Variants in PDLIM5 observed in about 807,000 individuals in gnomAD.
PDLIM5 encodes PDZ and LIM domain 5.
Under a neutral mutation model 64.2 loss-of-function variants are expected in PDLIM5, and 34 were observed. That is an observed-to-expected ratio of 0.53 (90% CI 0.40 to 0.71). The LOEUF (loss-of-function observed/expected upper bound fraction) is 0.71. PDLIM5 is among the 30% of genes least tolerant of loss of function. The probability of loss-of-function intolerance (pLI) is 0.00; values close to 1 mark genes in which losing one functional copy is unlikely to be tolerated. For missense variants in PDLIM5, 683 were observed against 733.6 expected (o/e 0.93, Z 0.80); for synonymous variants, 253 against 269.1 (o/e 0.94, Z 0.59).
chr4:94,666,686 T>C lies in PDLIM5; in HGVS notation c.*2619T>C, dbSNP rs1225965684. 2 of 152,310 alleles carry C rather than the reference T, an allele frequency of 1.3e-5. No individual in the cohort carries two copies. Among genetic ancestry groups the C allele is most frequent in the African/African-American group, 2.4e-5 (1 of 41,466 alleles). The allele number at this position is 152,310 out of a possible 1,614,324, so 9.4% of individuals were successfully genotyped here. On this transcript the variant is annotated 3_prime_UTR_variant, in exon 13 of 13. Transcript: ENST00000317968. ...AGAATTTTATTTGACCCAGATTTCTTATAAAGTTATCTTACATTAAGGATG... is the reference window on the plus strand; with the variant it reads ...AGAATTTTATTTGACCCAGATTTCTCATAAAGTTATCTTACATTAAGGATG...
At chr4:94,454,396 T>G (rs979216652) in intron 1 of PDLIM5, among the ~76,000 whole-genome samples, 1 of 151,624 alleles carries the variant, frequency 6.6e-6, no homozygotes, top group African/African-American at 2.4e-5. Flanking sequence ...CACGCACACT[T>G]AACAGCAGAA....
intron 7 of PDLIM5, among the ~76,000 whole-genome samples, chr4:94,589,954 T>C (rs372847749): frequency 2.0e-4 from 31 of 152,162 alleles, no homozygotes; most frequent in African/African-American, 7.0e-4. Context: ...TTATAGTTTT[T>C]TTAGTAGAGA....
At position 94,641,053 on chromosome 4, in the gene PDLIM5, C is replaced by G. The variant is rs149658430; in HGVS notation, c.1283+603C>G. On this transcript the variant is annotated intron_variant, in intron 9 of 12. Coordinates refer to ENST00000317968, the MANE Select transcript of PDLIM5 (RefSeq NM_006457.5). Reference sequence around the variant, plus strand: ...TCTCAGATCTTAAGAATGCACTGTACTGCAGCTTATTGAATCTCTGAGTAT... The same window carrying G: ...TCTCAGATCTTAAGAATGCACTGTAGTGCAGCTTATTGAATCTCTGAGTAT... Among the ~76,000 whole-genome samples, 8 of 152,304 alleles carry G rather than the reference C, an allele frequency of 5.3e-5. No individual in the cohort carries two copies. In the East Asian group the frequency reaches 1.3e-3, roughly 26 times the overall value.
intron 2 of PDLIM5, among the ~76,000 whole-genome samples, chr4:94,479,234 A>G (rs1725626104): frequency 7.0e-6 from 1 of 143,122 alleles, no homozygotes; most frequent in Non-Finnish European, 1.5e-5. Flanking sequence ...CAAAACCACC[A>G]TTTCAGTACT....
intron 2 of PDLIM5, among the ~76,000 whole-genome samples, chr4:94,464,481 C>T (rs1317870240): frequency 6.6e-6 from 1 of 152,168 alleles, no homozygotes; most frequent in Non-Finnish European, 1.5e-5. Context: ...TAACACTAGC[C>T]AGAGCAGACT....
chr4:94,536,326 GC>G (rs1167567645), intron 3 of PDLIM5, among the ~76,000 whole-genome samples: 1 of 152,130 alleles, frequency 6.6e-6, no homozygotes, highest in Non-Finnish European at 1.5e-5. Flanking sequence ...ATTAAAAGGA[GC>G]CTGATTCTAT....
At chr4:94,516,589 T>TCATGG (rs1729380848) in intron 2 of PDLIM5, among the ~76,000 whole-genome samples, 1 of 152,106 alleles carries the variant, frequency 6.6e-6, no homozygotes, top group East Asian at 1.9e-4. Flanking sequence ...GGTAGTGCAA[T>TCATGG]CATGGCTCAC....
intron 3 of PDLIM5, among the ~76,000 whole-genome samples, chr4:94,546,608 A>G (rs1264851571): frequency 6.6e-6 from 1 of 152,190 alleles, no homozygotes; most frequent in Non-Finnish European, 1.5e-5. Context: ...TTAAATACAA[A>G]TTAAATTTGC....
intron 7 of PDLIM5, among the ~76,000 whole-genome samples, chr4:94,593,128 A>G (rs1365559704): frequency 6.6e-6 from 1 of 152,158 alleles, no homozygotes; most frequent in Non-Finnish European, 1.5e-5. Flanking sequence ...TAAAAACAAA[A>G]GTCTTAGTGT....
At chr4:94,594,431 A>G (rs916631500) in intron 7 of PDLIM5, among the ~76,000 whole-genome samples, 44 of 152,190 alleles carry the variant, frequency 2.9e-4, no homozygotes, top group African/African-American at 1.0e-3. Flanking sequence ...TTAATAAGGA[A>G]ATGTTTAAAT....
At chr4:94,503,099 A>T (rs1728079368) in intron 2 of PDLIM5, among the ~76,000 whole-genome samples, 2 of 152,100 alleles carry the variant, frequency 1.3e-5, no homozygotes, top group Non-Finnish European at 2.9e-5. Context: ...TCTGTTTTCA[A>T]GTTTAGAGAT....
chr4:94,567,671 T>TA (rs1393056560), intron 3 of PDLIM5, among the ~76,000 whole-genome samples: 3 of 152,140 alleles, frequency 2.0e-5, no homozygotes. Context: ...TAGGATTTTT[T>TA]AAAAAAATAA....
intron 2 of PDLIM5, among the ~76,000 whole-genome samples, chr4:94,499,764 GTCAGACCAGCAGTGGCATTAGATTC>G (rs1418324631): frequency 3.9e-5 from 6 of 152,192 alleles, no homozygotes; most frequent in South Asian, 2.1e-4. Flanking sequence ...TCCGCCTCCT[GTCAGACCAGCAGTGGCATTAGATTC>G]TCAGACCAGC....
chr4:94,613,195 A>G (rs1738513011), intron 7 of PDLIM5, among the ~76,000 whole-genome samples: 1 of 152,176 alleles, frequency 6.6e-6, no homozygotes, highest in Admixed American at 6.5e-5. Context: ...TCTGTATATT[A>G]GTATACCATT....
intron 3 of PDLIM5, among the ~76,000 whole-genome samples, chr4:94,551,224 A>G (rs189654841): frequency 1.5e-4 from 23 of 152,240 alleles, no homozygotes; most frequent in Admixed American, 3.9e-4. Context: ...ATTTTCTGTG[A>G]AGCGATATTA....
intron 3 of PDLIM5, among the ~76,000 whole-genome samples, chr4:94,527,335 A>G (rs1046760617): frequency 1.3e-5 from 2 of 151,964 alleles, no homozygotes; most frequent in Non-Finnish European, 2.9e-5. Context: ...TATTACAGGC[A>G]TGAGTCACCA....
At chr4:94,528,763 A>G (rs964697638) in intron 3 of PDLIM5, among the ~76,000 whole-genome samples, 5 of 152,226 alleles carry the variant, frequency 3.3e-5, no homozygotes, top group Non-Finnish European at 7.3e-5. Flanking sequence ...TATGTAATAT[A>G]TCTCGTGTGG....
chr4:94,650,047 T>C (rs1248429006), intron 9 of PDLIM5, among the ~76,000 whole-genome samples: 2 of 152,224 alleles, frequency 1.3e-5, no homozygotes, highest in Non-Finnish European at 2.9e-5. Context: ...CTTTTTAATG[T>C]TCCAAATTGG....
chr4:94,625,293 C>G (rs1333922442), intron 8 of PDLIM5, among the ~76,000 whole-genome samples: 1 of 152,176 alleles, frequency 6.6e-6, no homozygotes, highest in Non-Finnish European at 1.5e-5. Flanking sequence ...GCCCTGTTTA[C>G]TCTCATGTCC....
Sources: gnomAD v4.1 joint callset for allele counts (sites outside exome capture counted in the v4.1 genomes callset) on GRCh38, gnomAD v4.1.1 for gene constraint, MANE v1.5 for transcripts, NCBI Gene and HGNC (gene_info 2026-07-23, HGNC 2026-07-21) for gene names.